PCNT: variants seen among roughly 807,000 people sequenced by gnomAD.
PCNT encodes the protein pericentrin.
Under a neutral mutation model 380.4 loss-of-function variants are expected in PCNT, and 319 were observed. That is an observed-to-expected ratio of 0.84 (90% CI 0.77 to 0.92). The LOEUF (loss-of-function observed/expected upper bound fraction) is 0.92. Among genes scored for constraint, PCNT ranks in the 40% least tolerant of loss-of-function variants. The pLI, the probability that PCNT is intolerant of heterozygous loss-of-function variation, is 0.00. For missense variants in PCNT, 4,400 were observed against 4,255.3 expected (o/e 1.03, Z -0.95); for synonymous variants, 1,845 against 1,735.2 (o/e 1.06, Z -1.57).
At chr21:46,392,930 T>A (rs1055181594) in intron 21 of PCNT, among the ~76,000 whole-genome samples, 3 of 152,270 alleles carry the variant, frequency 2.0e-5, no homozygotes, top group African/African-American at 7.2e-5. Context: ...TAGTTGTGCC[T>A]TGTATGGATA....
intron 21 of PCNT, 37 bp from the exon 22 acceptor site, chr21:46,397,228 G>A (rs775474728): frequency 3.4e-5 from 52 of 1,527,684 alleles, no homozygotes; most frequent in East Asian, 6.7e-5. Flanking sequence ...TCTGAGGTGC[G>A]GGGGTGTCCC....
At chr21:46,340,485 C>T (rs4819239) in intron 3 of PCNT, among the ~76,000 whole-genome samples, 132,204 of 152,294 alleles carry the variant, frequency 0.87, 57,485 homozygotes, top group African/African-American at 0.9. Context: ...CTGTTAAATA[C>T]GTCCAGAGTT....
At chr21:46,409,975 T>C (rs2086733268) in intron 27 of PCNT, among the ~76,000 whole-genome samples, 1 of 152,242 alleles carries the variant, frequency 6.6e-6, no homozygotes, top group South Asian at 2.1e-4. Context: ...ACGTGATATA[T>C]GCGTTGTGAT....
At chr21:46,390,535 C>G (rs2085996446) in intron 19 of PCNT, 135 bp from the exon 20 acceptor site, 3 of 901,332 alleles carry the variant, frequency 3.3e-6, no homozygotes, top group Non-Finnish European at 5.6e-6. Flanking sequence ...GCTCAGGTCC[C>G]GTCACCCTGG....
chr21:46,350,733 C>T (rs1240105216), intron 8 of PCNT, among the ~76,000 whole-genome samples: 1 of 152,100 alleles, frequency 6.6e-6, no homozygotes, highest in Admixed American at 6.5e-5. Context: ...GAGTCCAGGC[C>T]GGGGCTCACT....
chr21:46,340,284 T>C (rs1446750179), intron 3 of PCNT, among the ~76,000 whole-genome samples: 1 of 152,158 alleles, frequency 6.6e-6, no homozygotes, highest in Non-Finnish European at 1.5e-5. Flanking sequence ...GCCCCTCCCA[T>C]GACACGTGGG....
At chr21:46,346,289 G>T in intron 4 of PCNT, 81 bp downstream of exon 4, 1 of 709,964 alleles carries the variant, frequency 1.4e-6, no homozygotes, top group East Asian at 3.4e-5. Context: ...GGGTGGGGGT[G>T]GGGTGGGCGC....
chr21:46,325,650 A>G (rs948187262), intron 1 of PCNT, among the ~76,000 whole-genome samples: 15 of 152,206 alleles, frequency 9.9e-5, no homozygotes, highest in African/African-American at 3.1e-4. Context: ...TTTTGTGGCC[A>G]CAGTTGTCTT....
chr21:46,352,308 C>G (rs940445380), intron 9 of PCNT, among the ~76,000 whole-genome samples: 1 of 152,266 alleles, frequency 6.6e-6, no homozygotes, highest in East Asian at 1.9e-4. Context: ...CCTCCCAGCC[C>G]TGCGCCCTGC....
chr21:46,383,617 C>A, intron 16 of PCNT, among the ~76,000 whole-genome samples: 1 of 136,698 alleles, frequency 7.3e-6, no homozygotes, highest in East Asian at 2.3e-4. Flanking sequence ...TCATGGTGTG[C>A]GTTCAGTGGC....
At chr21:46,443,225 T>C in intron 44 of PCNT, 1 of 162,954 alleles carries the variant, frequency 6.1e-6, no homozygotes, top group Non-Finnish European at 1.3e-5. Flanking sequence ...GTTGTTGTTT[T>C]GTTGTTTTTT....
chr21:46,380,807 G>C (rs953534612), intron 15 of PCNT, among the ~76,000 whole-genome samples: 2 of 152,134 alleles, frequency 1.3e-5, no homozygotes, highest in Non-Finnish European at 2.9e-5. Context: ...ACAGATTTTG[G>C]AGGTCCTTAC....
Position 46,359,480 on chromosome 21 carries a change from G to GTTTTTT in PCNT, c.2154+2294_2154+2299dup, listed in dbSNP as rs1478908165. 2.5e-3 allele frequency among the ~76,000 whole-genome samples: 167 copies of GTTTTTT among 65,694 alleles called. 29 individuals carry two copies. Among genetic ancestry groups the GTTTTTT allele is most frequent in the East Asian group, 6.0e-3 (13 of 2,172 alleles). 43.1% of individuals were successfully genotyped at this position (65,694 alleles called of 152,430 possible). On this transcript the variant is annotated intron_variant, in intron 13 of 46. Transcript: ENST00000359568. Reference sequence around the variant, plus strand: ...TAGTATTCTGTCCAAAAATACACCTGTTTTTTTTTTGTTTTTTTTTTTTTT... The same window carrying GTTTTTT: ...TAGTATTCTGTCCAAAAATACACCTGTTTTTTTTTTTTTTTTGTTTTTTTTTTTTTT...
At chr21:46,364,487 A>G (rs2084830752) in intron 14 of PCNT, among the ~76,000 whole-genome samples, 1 of 152,220 alleles carries the variant, frequency 6.6e-6, no homozygotes, top group Non-Finnish European at 1.5e-5. Flanking sequence ...GTGTTTTAAG[A>G]TTTGAACAGC....
At position 46,443,863 on chromosome 21, in the gene PCNT, ACC is replaced by A. The variant is rs1436342274; in HGVS notation, c.9756_9757del (p.Arg3253GlyfsTer82). 1 of 1,612,826 alleles carries A rather than the reference ACC, an allele frequency of 6.2e-7. No individual in the cohort carries two copies. Among genetic ancestry groups the A allele is most frequent in the Non-Finnish European group, 8.5e-7 (1 of 1,179,874 alleles). On this transcript the variant is annotated frameshift_variant, in exon 45 of 47. Transcript: ENST00000359568. LOFTEE classifies it high-confidence loss of function. ...ACCCAGAACCAGAGAGTCCCCCCCA[ACC>A]CGGGATGTACCCTCTGGCCACACCA... is the stretch of plus-strand genomic sequence containing the variant. ...SPPRTRESPP[T>X]RDVPSGHTRD...
In PCNT at chr21:46,363,530, G is replaced by A. The variant is rs752341201; in HGVS notation, c.2205G>A (p.Lys735=). ...ACCAGAAGGAACTAAATAATGCTAA[G>A]CAAAAGACTGAGCTGATGAAACAGG... is the stretch of plus-strand genomic sequence containing the variant. ...EDHQKELNNA[K]QKTELMKQEF... The change falls in exon 14 of 47, where the codon AAG becomes AAA. Residue 735 remains lysine (K), a synonymous_variant. Coordinates refer to ENST00000359568, the MANE Select transcript of PCNT (RefSeq NM_006031.6). 3 of 1,614,014 alleles carry A rather than the reference G, an allele frequency of 1.9e-6. No homozygotes were observed. The highest frequency in any genetic ancestry group is 2.5e-6 in the Non-Finnish European group (3 of 1,179,972).
In PCNT at chr21:46,425,706, C is replaced by A; in HGVS notation, c.7180-125C>A. On this transcript the variant is annotated intron_variant, in intron 32 of 46. Coordinates refer to ENST00000359568, the MANE Select transcript of PCNT (RefSeq NM_006031.6). This position sits in a 1 kb window ranked among gnomAD's most constrained non-coding sequence, Gnocchi z 4.2. ...CCGCCTGTACGAAGCCGAGGCGGTG[C>A]CCTCCCTCTCCACAGCTGCCCGCCC... 1.5e-6 allele frequency: 2 copies of A among 1,373,902 alleles called. No individual in the cohort carries two copies. Among genetic ancestry groups the A allele is most frequent in the East Asian group, 2.3e-5 (1 of 43,484 alleles). The allele number at this position is 1,373,902 out of a possible 1,614,324, so 85.1% of individuals were successfully genotyped here. A position where few individuals can be genotyped will look rare whatever the true frequency, so the allele number is the denominator to read the frequency against.
At chr21:46,392,517 G>A (rs2086067735) in intron 21 of PCNT, among the ~76,000 whole-genome samples, 1 of 152,190 alleles carries the variant, frequency 6.6e-6, no homozygotes, top group Admixed American at 6.5e-5. Flanking sequence ...CACCATGCCC[G>A]GCCAGCTCCT....
chr21:46,443,808 A>G lies in PCNT; in HGVS notation c.9701-2A>G, dbSNP rs778234498. 6.2e-6 allele frequency: 10 copies of G among 1,611,324 alleles called. No individual in the cohort carries two copies. The African/African-American group carries it at 6.7e-5, about 11-fold the overall frequency. On this transcript the variant is annotated splice_acceptor_variant, in intron 44 of 46. Coordinates refer to ENST00000359568, the MANE Select transcript of PCNT (RefSeq NM_006031.6). LOFTEE classifies it high-confidence loss of function. ...CTTGGTTGTTAAATAATTCTGGGGA[A>G]GGGCCCCGAGCACGACAGCCGCAGT... is the stretch of plus-strand genomic sequence containing the variant.
Sources: gnomAD v4.1 joint callset for allele counts (sites outside exome capture counted in the v4.1 genomes callset) on GRCh38, gnomAD v4.1.1 for gene constraint, Gnocchi (gnomAD v3.1) non-coding constraint, MANE v1.5 for transcripts, NCBI Gene and HGNC (gene_info 2026-07-23, HGNC 2026-07-21) for gene names.